The following RAB23 variants were observed in gnomAD, a reference collection of about 807,000 sequenced individuals.
RAB23 encodes ras-related protein Rab-23.
Under a neutral mutation model 30.0 loss-of-function variants are expected in RAB23, and 15 were observed. That is an observed-to-expected ratio of 0.50 (90% CI 0.33 to 0.77). The LOEUF is 0.77. Among genes scored for constraint, RAB23 ranks in the 30% least tolerant of loss-of-function variants. The pLI, the probability that RAB23 is intolerant of heterozygous loss-of-function variation, is 0.02. For synonymous variants in RAB23, 93 were observed against 94.0 expected (o/e 0.99, Z 0.06); for missense variants, 243 against 275.4 (o/e 0.88, Z 0.83).
chr6:57,200,539 A>T (rs1320984801), intron 3 of RAB23, among the ~76,000 whole-genome samples: 1 of 149,724 alleles, frequency 6.7e-6, no homozygotes, highest in Non-Finnish European at 1.5e-5. Context: ...TCTGTCTCAA[A>T]AAAAAAAAAA....
intron 1 of RAB23, among the ~76,000 whole-genome samples, chr6:57,214,239 C>T (rs1765756576): frequency 6.6e-6 from 1 of 152,192 alleles, no homozygotes; most frequent in African/African-American, 2.4e-5. Context: ...TCAGCCTCTT[C>T]CCAGCCAGGG....
intron 1 of RAB23, among the ~76,000 whole-genome samples, chr6:57,213,062 G>A (rs1236467002): frequency 1.3e-5 from 2 of 152,016 alleles, no homozygotes; most frequent in Non-Finnish European, 1.5e-5. Context: ...GACGGTTTGG[G>A]GATAAAACTG....
At chr6:57,200,814 C>T (rs1765226692) in intron 3 of RAB23, among the ~76,000 whole-genome samples, 1 of 152,070 alleles carries the variant, frequency 6.6e-6, no homozygotes, top group Non-Finnish European at 1.5e-5. Flanking sequence ...AGACAAAAAG[C>T]AGAGAGCTAT....
rs746460042 is a variant in RAB23, at chr6:57,190,538, C to T, written c.637G>A (p.Asp213Asn). 11 of 1,613,696 alleles carry T rather than the reference C, an allele frequency of 6.8e-6. No homozygotes were observed. The Admixed American group carries it at 8.3e-5, about 12-fold the overall frequency. ...TTGTTGGGTCTAAGATTGATGACAT[C>T]TCCACCATTGAGGGTACCTGAATTC... ...GQNSGTLNGGDVINLRPNKQR... is the reference protein window; with the variant it reads ...GQNSGTLNGGNVINLRPNKQR... Residue 213 changes from aspartate to asparagine, a missense_variant, in exon 7 of 7, where the codon GAT (aspartate) becomes AAT (asparagine). Transcript: ENST00000468148.
chr6:57,205,508 T>C (rs1195942453), intron 3 of RAB23, among the ~76,000 whole-genome samples: 2 of 152,078 alleles, frequency 1.3e-5, no homozygotes, highest in Non-Finnish European at 1.5e-5. Flanking sequence ...TCATAATCTC[T>C]TAGGGAAAAT....
rs1479229861 is a variant in RAB23 at position 57,189,368 on chromosome 6, C to CTAAT, written c.*1089_*1092dup. The CTAAT allele has an allele frequency of 6.6e-6, 1 of 152,104 alleles. No homozygotes were observed. 9.4% of individuals were successfully genotyped at this position (152,104 alleles called of 1,614,324 possible). On this transcript the variant is annotated 3_prime_UTR_variant, in exon 7 of 7. Transcript: ENST00000468148. Reference sequence around the variant, plus strand: ...ATAAAATATGTAATTTTAGTTAAGACTAATAATAATATTTTTGTGCACTTT... The same window carrying CTAAT: ...ATAAAATATGTAATTTTAGTTAAGACTAATTAATAATAATATTTTTGTGCACTTT...
At chr6:57,205,353 AT>A (rs1306748130) in intron 3 of RAB23, among the ~76,000 whole-genome samples, 1 of 152,090 alleles carries the variant, frequency 6.6e-6, no homozygotes. Context: ...AACGAGCAGA[AT>A]TTCACTTTAT....
intron 1 of RAB23, among the ~76,000 whole-genome samples, chr6:57,213,358 C>T (rs1765722749): frequency 6.6e-6 from 1 of 152,102 alleles, no homozygotes. Flanking sequence ...GTATCATCAT[C>T]CTATTACCCT....
chr6:57,193,676 C>A (rs183337295), intron 6 of RAB23, among the ~76,000 whole-genome samples, 166 bp downstream of exon 6: 355 of 152,120 alleles, frequency 2.3e-3, no homozygotes, highest in African/African-American at 8.2e-3. Flanking sequence ...GGCAAAAAAA[C>A]CCCCATTAAC....
chr6:57,196,444 T>C lies in RAB23; in HGVS notation c.398+6A>G, dbSNP rs1477531433. The C allele has an allele frequency of 6.2e-7, 1 of 1,613,816 alleles. No homozygotes were observed. The highest frequency in any genetic ancestry group is 1.3e-5 in the African/African-American group (1 of 74,924). On this transcript the variant is annotated splice_donor_region_variant and intron_variant, in intron 4 of 6. Transcript: ENST00000468148. ...GTCCCTCCTTCCCCAAAAGTAGCCATCTTACTTCTTTATACAAGAATCATC... is the reference window on the plus strand; with the variant it reads ...GTCCCTCCTTCCCCAAAAGTAGCCACCTTACTTCTTTATACAAGAATCATC...
In RAB23 at chr6:57,210,454, TA is replaced by T; in HGVS notation, c.-65-10del. ...GATCTTCCCTCTCAAATCTGTGGTT[TA>T]AAATGAAATTATTTTTTCATAACAC... On this transcript the variant is annotated splice_polypyrimidine_tract_variant and intron_variant, in intron 1 of 6. Transcript: ENST00000468148. The T allele has an allele frequency of 1.4e-6, 2 of 1,450,154 alleles. No homozygotes were observed. Among genetic ancestry groups the T allele is most frequent in the Non-Finnish European group, 1.9e-6 (2 of 1,037,270 alleles). 89.8% of individuals were successfully genotyped at this position (1,450,154 alleles called of 1,614,324 possible). A position where few individuals can be genotyped will look rare whatever the true frequency, so the allele number is the denominator to read the frequency against.
chr6:57,205,928 C>A (rs1765441438), intron 3 of RAB23, among the ~76,000 whole-genome samples: 1 of 152,104 alleles, frequency 6.6e-6, no homozygotes, highest in Non-Finnish European at 1.5e-5. Context: ...GGAAGGGATT[C>A]CCAAAGTTAA....
At chr6:57,196,681 A>C (rs984608817) in intron 3 of RAB23, 75 bp from the exon 4 acceptor site, 54 of 1,548,836 alleles carry the variant, frequency 3.5e-5, no homozygotes, top group Non-Finnish European at 4.5e-5. Flanking sequence ...TAAGAAAACA[A>C]TCTCATGAAG....
chr6:57,213,838 T>C (rs1037866875), intron 1 of RAB23, among the ~76,000 whole-genome samples: 2 of 151,846 alleles, frequency 1.3e-5, no homozygotes, highest in African/African-American at 4.8e-5. Context: ...AAGCCTACTC[T>C]CTTGAGTCAA....
intron 2 of RAB23, among the ~76,000 whole-genome samples, chr6:57,208,068 C>T (rs1206218095): frequency 1.3e-5 from 2 of 152,108 alleles, no homozygotes; most frequent in Non-Finnish European, 2.9e-5. Flanking sequence ...AGTCAGAGAC[C>T]ACATGTACAC....
At chr6:57,209,266 T>G (rs1765561580) in intron 2 of RAB23, among the ~76,000 whole-genome samples, 1 of 152,152 alleles carries the variant, frequency 6.6e-6, no homozygotes, top group African/African-American at 2.4e-5. Flanking sequence ...TGACCACAAA[T>G]GTACTACAAA....
intron 6 of RAB23, among the ~76,000 whole-genome samples, chr6:57,191,330 A>T (rs1562648683): frequency 6.6e-6 from 1 of 152,210 alleles, no homozygotes; most frequent in Non-Finnish European, 1.5e-5. Flanking sequence ...ATGCATATAT[A>T]AGCTAAAATG....
At chr6:57,200,401 G>A (rs1765204730) in intron 3 of RAB23, among the ~76,000 whole-genome samples, 2 of 151,656 alleles carry the variant, frequency 1.3e-5, no homozygotes, top group Non-Finnish European at 2.9e-5. Context: ...GCTGGGTGTG[G>A]TGGTGGGCAC....
intron 3 of RAB23, 83 bp from the exon 4 acceptor site, chr6:57,196,689 A>G: frequency 6.5e-7 from 1 of 1,535,692 alleles, no homozygotes; most frequent in Non-Finnish European, 8.8e-7. Context: ...CAATCTCATG[A>G]AGAATGGGGG....
Sources: allele counts gnomAD v4.1 joint callset (sites outside exome capture counted in the v4.1 genomes callset), GRCh38; gene constraint gnomAD v4.1.1; transcripts MANE v1.5; gene names NCBI Gene and HGNC (gene_info 2026-07-23, HGNC 2026-07-21).